RHBDD1: variants seen among roughly 807,000 people sequenced by gnomAD.
The protein encoded by RHBDD1 is rhomboid domain containing 1, also known as rhomboid-related protein 4.
A neutral mutation model predicts 36.3 loss-of-function variants in RHBDD1; 38 were observed. The ratio of observed to expected loss-of-function variants is 1.05; its 90% confidence interval spans 0.81 to 1.37. The LOEUF (loss-of-function observed/expected upper bound fraction) is 1.37. Ranked by LOEUF, RHBDD1 falls within the 40% of genes most tolerant of loss-of-function variation. The probability of loss-of-function intolerance (pLI) is 0.00; values close to 1 mark genes in which losing one functional copy is unlikely to be tolerated. For missense variants in RHBDD1, 393 were observed against 377.6 expected, an observed-to-expected ratio of 1.04 and a Z score of -0.34; for synonymous variants, 151 against 136.5, an observed-to-expected ratio of 1.11 and a Z score of -0.74.
intron 8 of RHBDD1, among the ~76,000 whole-genome samples, chr2:226,987,876 G>T (rs1559355496): frequency 6.6e-6 from 1 of 152,168 alleles, no homozygotes; most frequent in Non-Finnish European, 1.5e-5. Context: ...GGGTGGAGGG[G>T]ATCCAATAAT....
chr2:226,828,297 GT>G, the RHBDD1 span, among the ~76,000 whole-genome samples: 5 of 151,874 alleles, frequency 3.3e-5, no homozygotes, highest in African/African-American at 1.2e-4. Flanking sequence ...TGAATCAGTA[GT>G]TTTTTTTCGT....
In RHBDD1 at chr2:226,867,149, G is replaced by A. The variant is rs767251992; in HGVS notation, c.434-37G>A. ...GTAAATGTTGATACTCCTACTTTTG[G>A]ATTGTTGATATTTGCATGTTCTTCA... is the stretch of plus-strand genomic sequence containing the variant. On this transcript the variant is annotated intron_variant, in intron 4 of 8. Transcript: ENST00000392062. 3.9e-6 allele frequency: 6 copies of A among 1,554,196 alleles called. No individual in the cohort carries two copies. The South Asian group carries it at 7.3e-5, about 19-fold the overall frequency.
the RHBDD1 span, among the ~76,000 whole-genome samples, chr2:226,819,977 GTTTTTTT>G: frequency 8.5e-6 from 1 of 118,282 alleles, no homozygotes; most frequent in Non-Finnish European, 1.8e-5. Flanking sequence ...TATTGTGTGT[GTTTTTTT>G]TTTTTTTTTT....
chr2:226,920,504 C>G (rs1379322251), intron 8 of RHBDD1, among the ~76,000 whole-genome samples: 1 of 152,086 alleles, frequency 6.6e-6, no homozygotes, highest in Non-Finnish European at 1.5e-5. Flanking sequence ...CCCCTTTCAA[C>G]ATGATACTAG....
chr2:226,819,367 ATT>A, the RHBDD1 span, among the ~76,000 whole-genome samples: 2 of 152,120 alleles, frequency 1.3e-5, no homozygotes, highest in African/African-American at 4.8e-5. Context: ...TTTATTTTCT[ATT>A]TTCTACAGCG....
chr2:226,918,514 A>G (rs1262408579), intron 8 of RHBDD1, among the ~76,000 whole-genome samples: 1 of 151,908 alleles, frequency 6.6e-6, no homozygotes, highest in Non-Finnish European at 1.5e-5. Context: ...CTCTATCTCC[A>G]TGAGTTTGTT....
chr2:226,889,812 CCTT>C (rs1946542020), intron 5 of RHBDD1, among the ~76,000 whole-genome samples: 1 of 152,162 alleles, frequency 6.6e-6, no homozygotes, highest in Admixed American at 6.5e-5. Flanking sequence ...ATTGAATTCT[CCTT>C]CTTTCAGCAC....
chr2:226,976,955 A>G (rs923849538), intron 8 of RHBDD1, among the ~76,000 whole-genome samples: 3 of 152,160 alleles, frequency 2.0e-5, no homozygotes, highest in Non-Finnish European at 2.9e-5. Flanking sequence ...AGAGGCCCCA[A>G]ACAAACAGGG....
chr2:226,865,055 T>C lies in RHBDD1; in HGVS notation c.362T>C (p.Leu121Pro). 2 of 1,614,198 alleles carry C rather than the reference T, an allele frequency of 1.2e-6. No homozygotes were observed. The highest frequency in any genetic ancestry group is 1.7e-6 in the Non-Finnish European group (2 of 1,180,026). Residue 121 changes from leucine (L) to proline (P), a missense_variant, in exon 4 of 9, where the codon CTC becomes CCC. Physicochemically the swap from Leu to Pro is moderately conservative, Grantham distance 98. Transcript: ENST00000392062. ...FSVLTGVVYLLLQFAVAEFMD... is the reference protein window; with the variant it reads ...FSVLTGVVYLPLQFAVAEFMD... Reference sequence around the variant, plus strand: ...GTACTTACTGGAGTGGTATACCTGCTCTTGCAATTTGCTGTTGCCGAATTT... The same window carrying C: ...GTACTTACTGGAGTGGTATACCTGCCCTTGCAATTTGCTGTTGCCGAATTT...
chr2:226,926,362 T>A (rs1379578123), intron 8 of RHBDD1, among the ~76,000 whole-genome samples: 1 of 152,176 alleles, frequency 6.6e-6, no homozygotes, highest in African/African-American at 2.4e-5. Context: ...TCAAAGAGTA[T>A]GTTTTATAGT....
At chr2:226,992,535 T>C (rs1192320251) in intron 8 of RHBDD1, among the ~76,000 whole-genome samples, 1 of 152,212 alleles carries the variant, frequency 6.6e-6, no homozygotes, top group Non-Finnish European at 1.5e-5. Flanking sequence ...CCCAAGGTCT[T>C]CTTGGTTCTA....
chr2:226,923,866 C>T (rs1949496951), intron 8 of RHBDD1, among the ~76,000 whole-genome samples: 1 of 151,970 alleles, frequency 6.6e-6, no homozygotes, highest in African/African-American at 2.4e-5. Context: ...AATCTCTTTG[C>T]CAAATTTGTT....
intron 8 of RHBDD1, among the ~76,000 whole-genome samples, chr2:226,921,687 T>TC (rs1333623837): frequency 6.6e-6 from 1 of 152,208 alleles, no homozygotes; most frequent in African/African-American, 2.4e-5. Flanking sequence ...TCCATTGTGG[T>TC]CAGAGATGAT....
chr2:226,861,720 C>G (rs1454497416), intron 3 of RHBDD1, among the ~76,000 whole-genome samples: 1 of 151,454 alleles, frequency 6.6e-6, no homozygotes, highest in African/African-American at 2.4e-5. Context: ...ATAAATATTT[C>G]TGTGTGTGTG....
At position 226,914,496 on chromosome 2, in the gene RHBDD1, A is replaced by T. The variant is rs73992271; in HGVS notation, c.856+145A>T. 3.6e-3 allele frequency: 3,242 copies of T among 900,560 alleles called. 81 individuals are homozygous for T. The African/African-American group carries it at 0.049, about 14-fold the overall frequency. The allele number at this position is 900,560 out of a possible 1,614,324, so 55.8% of individuals were successfully genotyped here. Reference sequence around the variant, plus strand: ...AAAACTGTGTGCAGATTGTGATTACAAAGAATGGGGTGTGATGCCATATTC... The same window carrying T: ...AAAACTGTGTGCAGATTGTGATTACTAAGAATGGGGTGTGATGCCATATTC... On this transcript the variant is annotated intron_variant, in intron 8 of 8. Transcript: ENST00000392062.
chr2:226,802,324 G>A, the RHBDD1 span, among the ~76,000 whole-genome samples: 1 of 152,256 alleles, frequency 6.6e-6, no homozygotes, highest in East Asian at 1.9e-4. Context: ...GTTTCCTATG[G>A]AAGATAATCA....
chr2:226,995,688 A>G lies in RHBDD1; in HGVS notation c.*166A>G. Reference sequence around the variant, plus strand: ...GACAGTCCCATGGCCCCTATGAGTCAACTCACAGCTTGCGGGGAGTGGGCC... The same window carrying G: ...GACAGTCCCATGGCCCCTATGAGTCGACTCACAGCTTGCGGGGAGTGGGCC... On this transcript the variant is annotated 3_prime_UTR_variant, in exon 9 of 9. Coordinates refer to ENST00000392062, the MANE Select transcript of RHBDD1 (RefSeq NM_001167608.3). 3.3e-6 allele frequency: 2 copies of G among 612,710 alleles called. No homozygotes were observed. The highest frequency in any genetic ancestry group is 4.1e-5 in the South Asian group (2 of 48,338). 38.0% of individuals were successfully genotyped at this position (612,710 alleles called of 1,614,324 possible). A position where few individuals can be genotyped will look rare whatever the true frequency, so the allele number is the denominator to read the frequency against.
intron 3 of RHBDD1, among the ~76,000 whole-genome samples, chr2:226,855,150 G>T (rs1943198406): frequency 1.3e-5 from 2 of 152,210 alleles, no homozygotes; most frequent in Admixed American, 1.3e-4. Context: ...TTTTGTATTT[G>T]TATTCATCTG....
At chr2:226,860,052 G>A (rs944337944) in intron 3 of RHBDD1, among the ~76,000 whole-genome samples, 3 of 152,170 alleles carry the variant, frequency 2.0e-5, no homozygotes, top group African/African-American at 7.2e-5. Context: ...TTGATGGATA[G>A]GATTTGGGGG....
Sources: allele counts gnomAD v4.1 joint callset (sites outside exome capture counted in the v4.1 genomes callset), GRCh38; gene constraint gnomAD v4.1.1; transcripts MANE v1.5; gene names NCBI Gene and HGNC (gene_info 2026-07-23, HGNC 2026-07-21).